The following KCNIP4 variants were observed in gnomAD, a reference collection of about 807,000 sequenced individuals.
KCNIP4 encodes the protein potassium voltage-gated channel interacting protein 4.
KCNIP4 carries 12 observed loss-of-function variants against 34.0 expected under a neutral mutation model. That is an observed-to-expected ratio of 0.35 (90% CI 0.23 to 0.57). The LOEUF is 0.57. KCNIP4 is among the 20% of genes least tolerant of loss of function. KCNIP4 has a pLI of 0.83. For synonymous variants in KCNIP4, 124 were observed against 102.2 expected, an observed-to-expected ratio of 1.21 and a Z score of -1.29; for missense variants, 238 against 311.7, an observed-to-expected ratio of 0.76 and a Z score of 1.78.
At chr4:21,266,450 G>C (rs1761814779) in intron 1 of KCNIP4, among the ~76,000 whole-genome samples, 1 of 152,110 alleles carries the variant, frequency 6.6e-6, no homozygotes, top group South Asian at 2.1e-4. Flanking sequence ...CTGTCAATTT[G>C]ATAGCAGTTA....
intron 3 of KCNIP4, among the ~76,000 whole-genome samples, chr4:20,829,467 A>G (rs1264260532): frequency 6.6e-6 from 1 of 152,112 alleles, no homozygotes; most frequent in Non-Finnish European, 1.5e-5. Context: ...TCAGCCTCCC[A>G]AAGTGTTGGG....
At position 21,041,431 on chromosome 4, in the gene KCNIP4, A is replaced by G. The variant is rs958665039; in HGVS notation, c.62-158722T>C. On this transcript the variant is annotated intron_variant, in intron 1 of 8. Transcript: ENST00000382152. ...GTTTCTCAGGCAGTTTCAAACTTAA[A>G]GATTTACCTTCACATTTCAAAAAAG... 2.6e-5 allele frequency among the ~76,000 whole-genome samples: 4 copies of G among 152,204 alleles called. No homozygotes were observed. The South Asian group carries it at 8.3e-4, about 31-fold the overall frequency.
intron 1 of KCNIP4, among the ~76,000 whole-genome samples, chr4:21,087,173 T>TGC (rs1443864880): frequency 4.0e-5 from 6 of 148,834 alleles, no homozygotes; most frequent in Admixed American, 2.7e-4. Flanking sequence ...TGTGTGTGTG[T>TGC]GTGTGTGTGT....
intron 1 of KCNIP4, among the ~76,000 whole-genome samples, chr4:21,084,265 A>G (rs1219016535): frequency 6.7e-6 from 1 of 150,004 alleles, no homozygotes; most frequent in Non-Finnish European, 1.5e-5. Flanking sequence ...TAGGTGAGCC[A>G]TGCAATGATG....
intron 5 of KCNIP4, among the ~76,000 whole-genome samples, chr4:20,745,201 C>G (rs984989296): frequency 6.7e-6 from 1 of 148,940 alleles, no homozygotes; most frequent in Non-Finnish European, 1.5e-5. Context: ...TGCTGTGAAC[C>G]AATGAAATTA....
intron 1 of KCNIP4, among the ~76,000 whole-genome samples, chr4:21,660,227 T>C (rs918448858): frequency 2.6e-5 from 4 of 152,174 alleles, no homozygotes; most frequent in Non-Finnish European, 5.9e-5. Context: ...CTTGCTTCCC[T>C]TACTTAGACT....
In KCNIP4 at chr4:21,700,971, G is replaced by T. The variant is rs531694073; in HGVS notation, c.61+247600C>A. On this transcript the variant is annotated intron_variant, in intron 1 of 8. Transcript: ENST00000382152. The stretch of plus-strand genomic sequence containing the variant: ...TGCATTTCCATGTTCATTTCATCAT[G>T]ATTCACAATAGCCAAGATACAGAAG... Among the ~76,000 whole-genome samples, 337 of 152,182 alleles carry T rather than the reference G, an allele frequency of 2.2e-3. 1 individual carries two copies. Among genetic ancestry groups the T allele is most frequent in the Admixed American group, 3.9e-3 (59 of 15,254 alleles).
intron 1 of KCNIP4, among the ~76,000 whole-genome samples, chr4:21,059,519 A>C (rs1337918816): frequency 1.3e-5 from 2 of 152,020 alleles, no homozygotes; most frequent in Admixed American, 6.6e-5. Flanking sequence ...TTTGAAAAAG[A>C]GGGACCCGAG....
chr4:21,758,896 C>T (rs936606899), intron 1 of KCNIP4, among the ~76,000 whole-genome samples: 9 of 152,000 alleles, frequency 5.9e-5, no homozygotes, highest in African/African-American at 1.5e-4. Flanking sequence ...CTCTGAGCCT[C>T]AGTGTACTAA....
chr4:20,860,938 TA>T (rs1433581504), intron 2 of KCNIP4, among the ~76,000 whole-genome samples: 5 of 152,218 alleles, frequency 3.3e-5, no homozygotes. Context: ...GGCACTGATA[TA>T]ATTTATTTCC....
intron 1 of KCNIP4, among the ~76,000 whole-genome samples, chr4:20,937,751 C>G (rs1731230494): frequency 6.6e-6 from 1 of 151,880 alleles, no homozygotes; most frequent in African/African-American, 2.4e-5. Flanking sequence ...TTGGATGAAG[C>G]TACCTCTTCC....
chr4:20,779,148 A>G (rs1756627339), intron 3 of KCNIP4, among the ~76,000 whole-genome samples: 1 of 152,188 alleles, frequency 6.6e-6, no homozygotes, highest in African/African-American at 2.4e-5. Context: ...GGTGCCAGCT[A>G]TACACTGGAC....
chr4:21,623,844 G>C (rs1271843499), intron 1 of KCNIP4, among the ~76,000 whole-genome samples: 1 of 152,188 alleles, frequency 6.6e-6, no homozygotes, highest in Non-Finnish European at 1.5e-5. Context: ...AGAAATACCA[G>C]CTTAGTAGTT....
intron 3 of KCNIP4, among the ~76,000 whole-genome samples, chr4:20,778,713 A>G (rs1756591383): frequency 6.6e-6 from 1 of 152,200 alleles, no homozygotes; most frequent in Non-Finnish European, 1.5e-5. Flanking sequence ...TGACCTATGA[A>G]AGAACAATTT....
intron 1 of KCNIP4, among the ~76,000 whole-genome samples, chr4:21,100,159 T>C (rs982030377): frequency 1.3e-5 from 2 of 152,196 alleles, no homozygotes; most frequent in Admixed American, 6.5e-5. Context: ...AAAAGTTCTA[T>C]TGCAAGTAAA....
chr4:20,795,856 T>C (rs921764015), intron 3 of KCNIP4, among the ~76,000 whole-genome samples: 3 of 152,206 alleles, frequency 2.0e-5, no homozygotes, highest in Non-Finnish European at 4.4e-5. Flanking sequence ...TTGAAGTTCT[T>C]TTTATTTTTC....
At chr4:21,827,327 A>G (rs1722734145) in intron 1 of KCNIP4, among the ~76,000 whole-genome samples, 1 of 152,068 alleles carries the variant, frequency 6.6e-6, no homozygotes, top group African/African-American at 2.4e-5. Context: ...AAATTCATAA[A>G]ACTGCAACCT....
At chr4:21,380,351 A>G (rs978159148) in intron 1 of KCNIP4, among the ~76,000 whole-genome samples, 1 of 150,744 alleles carries the variant, frequency 6.6e-6, no homozygotes, top group African/African-American at 2.4e-5. Flanking sequence ...ACTGGAAAAA[A>G]ATACAATTTT....
At chr4:21,338,557 G>C (rs1716416725) in intron 1 of KCNIP4, among the ~76,000 whole-genome samples, 1 of 150,478 alleles carries the variant, frequency 6.6e-6, no homozygotes. Flanking sequence ...CAGTGAGCTG[G>C]GATTGCGCCA....
Sources: allele counts gnomAD v4.1 joint callset (sites outside exome capture counted in the v4.1 genomes callset), GRCh38; gene constraint gnomAD v4.1.1; transcripts MANE v1.5; gene names NCBI Gene and HGNC (gene_info 2026-07-23, HGNC 2026-07-21).